The following TOGARAM2 variants were observed in gnomAD, a reference collection of about 807,000 sequenced individuals.
TOGARAM2 encodes the protein TOG array regulator of axonemal microtubules protein 2.
Under a neutral mutation model 93.3 loss-of-function variants are expected in TOGARAM2, and 85 were observed. That is an observed-to-expected ratio of 0.91 (90% CI 0.76 to 1.09). The LOEUF is 1.09. TOGARAM2 is among the 50% of genes least tolerant of loss of function. TOGARAM2 has a pLI of 0.00. For synonymous variants in TOGARAM2, 593 were observed against 552.8 expected, an observed-to-expected ratio of 1.07 and a Z score of -1.02; for missense variants, 1,277 against 1,334.5, an observed-to-expected ratio of 0.96 and a Z score of 0.67.
Position 29,014,686 on chromosome 2 carries a change from GGCA to G in TOGARAM2, c.1044+128_1044+130del, listed in dbSNP as rs368564577. Reference sequence around the variant, plus strand: ...ACAGAGCAGAGCAAGGAGAGCCCGAGGCAGCCACCCAAGTACTAAAGGCCAGAA... The same window carrying G: ...ACAGAGCAGAGCAAGGAGAGCCCGAGGCCACCCAAGTACTAAAGGCCAGAA... On this transcript the variant is annotated intron_variant, in intron 8 of 19. Transcript: ENST00000379558. The G allele has an allele frequency of 8.0e-4, 1,019 of 1,271,468 alleles. 6 individuals carry two copies. In the African/African-American group the frequency reaches 0.014, roughly 17 times the overall value. The allele number at this position is 1,271,468 out of a possible 1,614,324, so 78.8% of individuals were successfully genotyped here.
rs1233520682 is a variant in TOGARAM2, at chr2:29,033,033, G to C, written c.2112G>C (p.Met704Ile). ...SLPSYDLQKVMAAIKQQGIED... is the reference protein window; with the variant it reads ...SLPSYDLQKVIAAIKQQGIED... ...CATCTTACGACTTGCAGAAGGTCAT[G>C]GCGGCCATTAAACAGCAGGTGAGCT... The change falls in exon 15 of 20, where the codon ATG (methionine) becomes ATC (isoleucine). Residue 704 changes from methionine to isoleucine, a missense_variant. Coordinates refer to ENST00000379558, the MANE Select transcript of TOGARAM2 (RefSeq NM_199280.4). 1 of 1,613,672 alleles carries C rather than the reference G, an allele frequency of 6.2e-7. No individual in the cohort carries two copies. The highest frequency in any genetic ancestry group is 8.5e-7 in the Non-Finnish European group (1 of 1,179,772).
intron 19 of TOGARAM2, chr2:29,046,482 A>T (rs1666753551): frequency 6.6e-6 from 1 of 152,294 alleles, no homozygotes; most frequent in Non-Finnish European, 1.5e-5. Context: ...ATGCAGACAG[A>T]TCATGCACCA....
At chr2:29,045,514 C>T (rs768301665) in intron 19 of TOGARAM2, 104 bp downstream of exon 19, 1 of 925,096 alleles carries the variant, frequency 1.1e-6, no homozygotes, top group African/African-American at 1.6e-5. Context: ...CTGAAATAAT[C>T]CCCCCCAATC....
chr2:29,012,554 C>T (rs1201295425), intron 7 of TOGARAM2, among the ~76,000 whole-genome samples: 2 of 152,196 alleles, frequency 1.3e-5, no homozygotes, highest in South Asian at 2.1e-4. Flanking sequence ...AGTCAGTAAC[C>T]ACTTCCTCCC....
intron 1 of TOGARAM2, among the ~76,000 whole-genome samples, chr2:28,986,960 C>T (rs1672495712): frequency 1.3e-5 from 2 of 152,196 alleles, no homozygotes; most frequent in African/African-American, 4.8e-5. Context: ...TGAAGTCACA[C>T]AGCTAGCAGG....
intron 14 of TOGARAM2, chr2:29,032,660 G>T: frequency 2.7e-6 from 1 of 370,740 alleles, no homozygotes; most frequent in Non-Finnish European, 4.9e-6. Context: ...AATACAACTT[G>T]TATATACATT....
upstream of TOGARAM2, among the ~76,000 whole-genome samples, chr2:28,978,342 T>G (rs1672067247): frequency 6.6e-6 from 1 of 152,070 alleles, no homozygotes. Context: ...GACCCCTCAG[T>G]GAAGTCCCTG....
intron 1 of TOGARAM2, among the ~76,000 whole-genome samples, chr2:28,959,538 G>A (rs1224830341): frequency 6.6e-6 from 1 of 152,184 alleles, no homozygotes; most frequent in African/African-American, 2.4e-5. Flanking sequence ...CGGATCACAA[G>A]GTCAGGAAAT....
chr2:29,004,612 G>A (rs1440264857), intron 6 of TOGARAM2, among the ~76,000 whole-genome samples: 8 of 150,186 alleles, frequency 5.3e-5, no homozygotes, highest in Non-Finnish European at 1.2e-4. Flanking sequence ...ACACATGTAT[G>A]AGTGCCTGCA....
chr2:28,974,146 G>A (rs1309972200), intron 1 of TOGARAM2, among the ~76,000 whole-genome samples: 10 of 41,686 alleles, frequency 2.4e-4, no homozygotes, highest in African/African-American at 9.5e-4. Flanking sequence ...TTTTTTTTCT[G>A]AGGCGAAGTC....
intron 1 of TOGARAM2, among the ~76,000 whole-genome samples, chr2:28,963,880 C>T (rs911483057): frequency 2.0e-5 from 3 of 152,038 alleles, no homozygotes; most frequent in East Asian, 1.9e-4. Context: ...TGGTAGTGTG[C>T]GCCTGTAGTC....
intron 14 of TOGARAM2, among the ~76,000 whole-genome samples, chr2:29,030,963 C>T (rs535990950): frequency 6.6e-6 from 1 of 152,316 alleles, no homozygotes; most frequent in South Asian, 2.1e-4. Flanking sequence ...TCTCTGTGTT[C>T]TCTCTATCAT....
chr2:29,004,748 G>GTA (rs564911966), intron 6 of TOGARAM2, among the ~76,000 whole-genome samples: 3 of 63,970 alleles, frequency 4.7e-5, no homozygotes, highest in South Asian at 9.0e-4. Context: ...GCATGTGTGT[G>GTA]TGTGTCTGAG....
chr2:29,034,330 C>A (rs893183442), intron 16 of TOGARAM2, among the ~76,000 whole-genome samples: 1 of 152,242 alleles, frequency 6.6e-6, no homozygotes, highest in African/African-American at 2.4e-5. Context: ...TTCAGCTCAC[C>A]TGTCACTTTC....
At chr2:29,004,589 T>A (rs1164727380) in intron 6 of TOGARAM2, among the ~76,000 whole-genome samples, 2 of 152,138 alleles carry the variant, frequency 1.3e-5, no homozygotes, top group African/African-American at 4.8e-5. Context: ...TGTCTGAGTG[T>A]CTTTGTGTGT....
chr2:28,962,466 G>A (rs2148214275), intron 1 of TOGARAM2, among the ~76,000 whole-genome samples: 1 of 152,174 alleles, frequency 6.6e-6, no homozygotes, highest in Admixed American at 6.5e-5. Flanking sequence ...GAACCACCGT[G>A]CCCAGCCTAC....
chr2:29,001,402 G>A (rs1169665528), intron 4 of TOGARAM2, among the ~76,000 whole-genome samples: 1 of 151,942 alleles, frequency 6.6e-6, no homozygotes, highest in Non-Finnish European at 1.5e-5. Context: ...GAGTGCAGTG[G>A]TGCGATTTTG....
chr2:28,961,810 A>G (rs144551218), intron 1 of TOGARAM2, among the ~76,000 whole-genome samples: 12 of 152,306 alleles, frequency 7.9e-5, no homozygotes, highest in South Asian at 2.1e-4. Context: ...CCTCTTTTCC[A>G]CAAGTCTGAG....
intron 10 of TOGARAM2, chr2:29,018,674 T>G (rs987272997): frequency 5.3e-5 from 8 of 152,344 alleles, no homozygotes; most frequent in African/African-American, 1.9e-4. Flanking sequence ...CCTCTTTCTA[T>G]CCTTTCAATT....
Sources: gnomAD v4.1 joint callset for allele counts (sites outside exome capture counted in the v4.1 genomes callset) on GRCh38, gnomAD v4.1.1 for gene constraint, MANE v1.5 for transcripts, NCBI Gene and HGNC (gene_info 2026-07-23, HGNC 2026-07-21) for gene names.